NCOR2: variants seen among roughly 807,000 people sequenced by gnomAD.
The protein encoded by NCOR2 is CTG repeat protein 26.
NCOR2 carries 81 observed loss-of-function variants against 262.9 expected under a neutral mutation model. The ratio of observed to expected loss-of-function variants is 0.31; its 90% CI spans 0.26 to 0.37. The LOEUF (loss-of-function observed/expected upper bound fraction) is 0.37. Among genes scored for constraint, NCOR2 ranks in the 10% least tolerant of loss-of-function variants. NCOR2 has a pLI of 1.00. For missense variants in NCOR2, 3,385 were observed against 3,621.4 expected (o/e 0.93, Z 1.68); for synonymous variants, 1,659 against 1,559.3 (o/e 1.06, Z -1.51).
At chr12:124,536,428 T>C (rs181510740), upstream of NCOR2, among the ~76,000 whole-genome samples, 210 of 152,264 alleles carry the variant, frequency 1.4e-3, 1 homozygote, top group Admixed American at 0.012. Flanking sequence ...AGTGCAATGA[T>C]AGCTAGTACC....
At chr12:124,397,840 C>T (rs1349312544) in intron 16 of NCOR2, among the ~76,000 whole-genome samples, 2 of 152,254 alleles carry the variant, frequency 1.3e-5, no homozygotes, top group Non-Finnish European at 1.5e-5. Flanking sequence ...AGAAGCCACT[C>T]GCTGACTACA....
At chr12:124,452,847 G>A (rs996490066) in intron 6 of NCOR2, among the ~76,000 whole-genome samples, 17 of 152,186 alleles carry the variant, frequency 1.1e-4, no homozygotes, top group Non-Finnish European at 2.2e-4. Flanking sequence ...GGCGGCCATC[G>A]GTGAGGGGCC....
chr12:124,489,604 A>G (rs1332146189), intron 1 of NCOR2, among the ~76,000 whole-genome samples: 3 of 152,108 alleles, frequency 2.0e-5, no homozygotes, highest in African/African-American at 7.2e-5. Flanking sequence ...GGAGGCAGGA[A>G]AAAGCCATTC....
intron 22 of NCOR2, among the ~76,000 whole-genome samples, chr12:124,361,750 C>T (rs780944471): frequency 6.6e-6 from 1 of 152,216 alleles, no homozygotes; most frequent in African/African-American, 2.4e-5. Flanking sequence ...GGGCTGTAGA[C>T]ATGTTTTTGC....
At chr12:124,424,033 G>A (rs983862374) in intron 11 of NCOR2, among the ~76,000 whole-genome samples, 6 of 152,062 alleles carry the variant, frequency 3.9e-5, no homozygotes, top group African/African-American at 1.4e-4. Context: ...GCCAAGTTGC[G>A]GCTCACACAG....
chr12:124,362,370 C>A, intron 21 of NCOR2, 73 bp from the exon 24 acceptor site: 2 of 1,291,458 alleles, frequency 1.5e-6, no homozygotes, highest in South Asian at 2.3e-5. Flanking sequence ...GAGACATGCA[C>A]GCGACCAGCC....
chr12:124,540,094 T>C (rs1380349986), upstream of NCOR2, among the ~76,000 whole-genome samples: 1 of 151,298 alleles, frequency 6.6e-6, no homozygotes, highest in African/African-American at 2.4e-5. Flanking sequence ...CTGAGGGTCT[T>C]AGGGGCCAAG....
intron 29 of NCOR2, 55 bp downstream of exon 31, chr12:124,348,118 TC>T (rs1203449352): frequency 3.7e-6 from 6 of 1,600,060 alleles, no homozygotes; most frequent in East Asian, 2.2e-5. Context: ...GGGTCAGCCA[TC>T]CCCCCACCGC....
At chr12:124,386,854 C>T (rs2040843568) in intron 16 of NCOR2, among the ~76,000 whole-genome samples, 1 of 152,262 alleles carries the variant, frequency 6.6e-6, no homozygotes. Context: ...ATATTTATGC[C>T]TGTGTCTCCA....
At chr12:124,559,608 C>T (rs2052003992) in intron 1 of NCOR2, among the ~76,000 whole-genome samples, 1 of 152,166 alleles carries the variant, frequency 6.6e-6, no homozygotes, top group South Asian at 2.1e-4. Flanking sequence ...TCGGCTCCTG[C>T]CTGATCCATT....
upstream of NCOR2, among the ~76,000 whole-genome samples, chr12:124,497,451 C>T (rs1304169249): frequency 1.3e-5 from 2 of 152,058 alleles, no homozygotes. The surrounding 1 kb of genome is among the most constrained non-coding windows in gnomAD (Gnocchi z 4.2). Context: ...CATGTGCCAC[C>T]CCCGCGTAGG....
upstream of NCOR2, among the ~76,000 whole-genome samples, chr12:124,500,048 G>A (rs1391517156): frequency 1.3e-5 from 2 of 152,176 alleles, no homozygotes; most frequent in African/African-American, 4.8e-5. Flanking sequence ...GGCATACCGA[G>A]AGGTGCCTGG....
intron 1 of NCOR2, among the ~76,000 whole-genome samples, chr12:124,487,425 A>G (rs1403778352): frequency 2.0e-5 from 3 of 152,356 alleles, no homozygotes; most frequent in East Asian, 3.9e-4. Flanking sequence ...ACCGTCGTCC[A>G]TTTGACAAAG....
chr12:124,519,404 T>C (rs1049534364), intron 1 of NCOR2, among the ~76,000 whole-genome samples: 3 of 152,028 alleles, frequency 2.0e-5, no homozygotes, highest in African/African-American at 7.2e-5. Flanking sequence ...TAAGAATGTG[T>C]CCCTGGACAG....
chr12:124,567,490 C>A (rs1401859307), upstream of NCOR2: 2 of 147,846 alleles, frequency 1.4e-5, no homozygotes, highest in African/African-American at 4.9e-5. Context: ...CGCAAGTTGG[C>A]GCGCATCGCG....
chr12:124,510,017 G>A (rs1345284012), intron 1 of NCOR2, among the ~76,000 whole-genome samples: 4 of 152,134 alleles, frequency 2.6e-5, no homozygotes, highest in East Asian at 1.9e-4. Context: ...GGCTGCTCCC[G>A]CCAGGCCAGA....
Position 124,432,084 on chromosome 12 carries a change from GACAC to G in NCOR2, c.883-1301_883-1298del, listed in dbSNP as rs944356453. 6.6e-6 allele frequency among the ~76,000 whole-genome samples: 1 copy of G among 151,616 alleles called. No homozygotes were observed. Among genetic ancestry groups the G allele is most frequent in the African/African-American group, 2.4e-5 (1 of 41,304 alleles). On this transcript the variant is annotated intron_variant, in intron 8 of 46. Coordinates refer to ENST00000405201, the Ensembl canonical transcript of NCOR2. The surrounding 1 kb of genome is among the most constrained non-coding windows in gnomAD (Gnocchi z 5.1). The stretch of plus-strand genomic sequence containing the variant: ...ACACAGGCGGTCACACAGGCAGGCA[GACAC>G]ACACACACGGTCATCCAGGCAGACA...
At chr12:124,495,258 G>T (rs1197845756), upstream of NCOR2, 2 of 1,609,242 alleles carry the variant, frequency 1.2e-6, no homozygotes, top group South Asian at 2.2e-5. The surrounding 1 kb of genome is among the most constrained non-coding windows in gnomAD (Gnocchi z 4.4). Flanking sequence ...ACATGGTGGT[G>T]GGGGTCGGCG....
At chr12:124,518,701 C>T (rs1380231305) in intron 1 of NCOR2, among the ~76,000 whole-genome samples, 3 of 152,260 alleles carry the variant, frequency 2.0e-5, no homozygotes, top group African/African-American at 7.2e-5. Flanking sequence ...GGCTTCCAGC[C>T]GACACTCGGG....
Sources: gnomAD v4.1 joint callset for allele counts (sites outside exome capture counted in the v4.1 genomes callset) on GRCh38, gnomAD v4.1.1 for gene constraint, Gnocchi (gnomAD v3.1) non-coding constraint, MANE v1.5 for transcripts, NCBI Gene and HGNC (gene_info 2026-07-23, HGNC 2026-07-21) for gene names.